The following UNC80 variants were observed in gnomAD, a reference collection of about 807,000 sequenced individuals.
The protein encoded by UNC80 is protein unc-80 homolog.
Under a neutral mutation model 384.6 loss-of-function variants are expected in UNC80, and 164 were observed. The ratio of observed to expected loss-of-function variants is 0.43; its 90% CI spans 0.38 to 0.49. The LOEUF (loss-of-function observed/expected upper bound fraction) is 0.49, where lower values mean the gene tolerates loss of function less well. Ranked by LOEUF, UNC80 falls within the 20% of genes least tolerant of loss-of-function variation. The pLI is 0.00. For missense variants in UNC80, 3,330 were observed against 4,143.0 expected, an observed-to-expected ratio of 0.80 and a Z score of 5.39; for synonymous variants, 1,486 against 1,527.8, an observed-to-expected ratio of 0.97 and a Z score of 0.64.
intron 39 of UNC80, among the ~76,000 whole-genome samples, chr2:209,934,427 A>C (rs13392528): frequency 0.025 from 3,835 of 152,298 alleles, 140 homozygotes; most frequent in African/African-American, 0.086. Context: ...GGAAAGCAGG[A>C]AGAAGGAGCA....
In UNC80 at chr2:209,948,252, A is replaced by G. The variant is rs908472882; in HGVS notation, c.7286+2309A>G. Among the ~76,000 whole-genome samples, 5 of 152,282 alleles carry G rather than the reference A, an allele frequency of 3.3e-5. No individual in the cohort carries two copies. The East Asian group carries it at 9.6e-4, about 29-fold the overall frequency. On this transcript the variant is annotated intron_variant, in intron 47 of 64. Coordinates refer to ENST00000673920, the MANE Select transcript of UNC80 (RefSeq NM_001371986.1). Reference sequence around the variant, plus strand: ...ATTTCTTGCTTTAGTAGATACTACCAAAAAGTTTTCCAAGGTGGTTTCAAT... The same window carrying G: ...ATTTCTTGCTTTAGTAGATACTACCGAAAAGTTTTCCAAGGTGGTTTCAAT...
In UNC80 at chr2:209,933,807, T is replaced by C; in HGVS notation, c.5995-15T>C. 1 of 1,545,614 alleles carries C rather than the reference T, an allele frequency of 6.5e-7. No homozygotes were observed. The highest frequency in any genetic ancestry group is 8.7e-7 in the Non-Finnish European group (1 of 1,143,858). ...TTATTGTAGCTTTGTGAACTCTTCT[T>C]ATACTGACTTCTAGGTAGGATTAAT... is the stretch of plus-strand genomic sequence containing the variant. On this transcript the variant is annotated splice_polypyrimidine_tract_variant and intron_variant, in intron 38 of 64. Coordinates refer to ENST00000673920, the MANE Select transcript of UNC80 (RefSeq NM_001371986.1).
Position 209,945,018 on chromosome 2 carries a change from A to G in UNC80, c.7051-33A>G, listed in dbSNP as rs552888072. The G allele has an allele frequency of 3.0e-4, 459 of 1,548,550 alleles. No individual in the cohort carries two copies. In the African/African-American group the frequency reaches 5.8e-3, roughly 19 times the overall value. On this transcript the variant is annotated intron_variant, in intron 45 of 64. Transcript: ENST00000673920. ...CAAGTTATAGTTTTACTGTGGTGGG[A>G]GTCAATAAACAAAAATTGTTTTTCT... is the stretch of plus-strand genomic sequence containing the variant.
rs1444046937 is a variant in UNC80 at position 209,888,108 on chromosome 2, G to T, written c.4124G>T (p.Cys1375Phe). 6.4e-7 allele frequency: 1 copy of T among 1,551,662 alleles called. No individual in the cohort carries two copies. The highest frequency in any genetic ancestry group is 2.0e-5 in the Admixed American group (1 of 51,004). The change falls in exon 26 of 65, where the codon TGC (cysteine) becomes TTC (phenylalanine). Residue 1375 changes from cysteine (C) to phenylalanine (F), a missense_variant. Coordinates refer to ENST00000673920, the MANE Select transcript of UNC80 (RefSeq NM_001371986.1). ...RTEPLVDLES[C>F]RLRLDPELDR... ...CTGGCATTTTAGGACTTGGAGAGCT[G>T]CAGACTTCGTTTGGATCCCGAGTTG...
intron 22 of UNC80, among the ~76,000 whole-genome samples, chr2:209,854,603 A>T (rs2082755975): frequency 6.6e-6 from 1 of 152,174 alleles, no homozygotes; most frequent in South Asian, 2.1e-4. Context: ...AAACAAATTT[A>T]CAAGAAAAAA....
intron 7 of UNC80, chr2:209,809,577 C>A: frequency 1.2e-6 from 1 of 825,268 alleles, no homozygotes; most frequent in Non-Finnish European, 2.0e-6. Flanking sequence ...GGGGCCCTCG[C>A]TGACCCTAGA....
At chr2:209,895,140 C>T (rs2086686100) in intron 27 of UNC80, among the ~76,000 whole-genome samples, 1 of 152,066 alleles carries the variant, frequency 6.6e-6, no homozygotes, top group East Asian at 1.9e-4. Flanking sequence ...ATATGGCAGT[C>T]CAAAATATGG....
At chr2:209,790,927 AT>A (rs1057121458) in intron 6 of UNC80, among the ~76,000 whole-genome samples, 1 of 152,100 alleles carries the variant, frequency 6.6e-6, no homozygotes, top group Admixed American at 6.5e-5. Flanking sequence ...TTAACAGGGT[AT>A]TTTTTTCTTA....
At chr2:209,970,122 A>G in intron 53 of UNC80, 2 of 503,172 alleles carry the variant, frequency 4.0e-6, no homozygotes, top group South Asian at 3.2e-5. Flanking sequence ...CCCATGCACT[A>G]CTTTGACAAT....
chr2:209,828,880 G>C (rs1260817808), intron 14 of UNC80, among the ~76,000 whole-genome samples: 1 of 152,054 alleles, frequency 6.6e-6, no homozygotes, highest in African/African-American at 2.4e-5. Context: ...TCTAAACATG[G>C]ATTGTCAATT....
At chr2:209,800,387 G>A (rs1326477984) in intron 7 of UNC80, among the ~76,000 whole-genome samples, 3 of 151,732 alleles carry the variant, frequency 2.0e-5, no homozygotes, top group Non-Finnish European at 4.4e-5. Flanking sequence ...TTGCATTTCT[G>A]TGGGGTCATT....
chr2:209,976,070 TCGGAA>T lies in UNC80; in HGVS notation c.8588-48_8588-44del. ...GGGCTCTGGATGTAGGTTGGGTTCC[TCGGAA>T]GCACACGTCCGCAGGCTCATTTTTC... On this transcript the variant is annotated intron_variant, in intron 56 of 64. Transcript: ENST00000673920. This position sits in a 1 kb window ranked among gnomAD's most constrained non-coding sequence, Gnocchi z 4.3. 1 of 1,509,784 alleles carries T rather than the reference TCGGAA, an allele frequency of 6.6e-7. No homozygotes were observed. Among genetic ancestry groups the T allele is most frequent in the South Asian group, 1.3e-5 (1 of 78,770 alleles). 93.5% of individuals were successfully genotyped at this position (1,509,784 alleles called of 1,614,324 possible). A position where few individuals can be genotyped will look rare whatever the true frequency, so the allele number is the denominator to read the frequency against.
intron 28 of UNC80, among the ~76,000 whole-genome samples, chr2:209,901,652 TGTG>T (rs1195073644): frequency 6.6e-6 from 1 of 152,052 alleles, no homozygotes; most frequent in Non-Finnish European, 1.5e-5. Context: ...TGTGGCCAGG[TGTG>T]GTGGTTCACA....
intron 51 of UNC80, among the ~76,000 whole-genome samples, chr2:209,962,344 C>G (rs888379623): frequency 1.3e-5 from 2 of 152,008 alleles, no homozygotes; most frequent in South Asian, 2.1e-4. Flanking sequence ...AGGAGAAGAT[C>G]AGTGAAAAAC....
chr2:209,991,034 T>C (rs2093382069), intron 61 of UNC80, among the ~76,000 whole-genome samples: 1 of 152,244 alleles, frequency 6.6e-6, no homozygotes, highest in African/African-American at 2.4e-5. Context: ...GGGAAACATC[T>C]GATTGCCTGT....
At chr2:209,856,085 A>G (rs1165248264) in intron 22 of UNC80, among the ~76,000 whole-genome samples, 4 of 152,156 alleles carry the variant, frequency 2.6e-5, no homozygotes, top group Non-Finnish European at 1.5e-5. Flanking sequence ...ATAAGTGCCA[A>G]CGATATAATG....
chr2:209,842,361 T>C lies in UNC80; in HGVS notation c.3369T>C (p.Thr1123=), dbSNP rs1406606250. 1 of 1,550,214 alleles carries C rather than the reference T, an allele frequency of 6.5e-7. No homozygotes were observed. Among genetic ancestry groups the C allele is most frequent in the South Asian group, 1.2e-5 (1 of 83,864 alleles). Residue 1123 remains threonine, a synonymous_variant, in exon 21 of 65, where the codon ACT becomes ACC. Transcript: ENST00000673920. ...FIRQSSKVKF[T]SAVKLSEGGP... is the part of the protein sequence containing the mutation. ...TTTTCTTTTTTCAGGTCAAATTCAC[T>C]AGTGCTGTGAAGCTTTCTGAAGGTG...
chr2:209,859,070 AT>A (rs1265857987), intron 22 of UNC80, among the ~76,000 whole-genome samples: 1 of 151,960 alleles, frequency 6.6e-6, no homozygotes, highest in Non-Finnish European at 1.5e-5. Flanking sequence ...TTTTTTTTAA[AT>A]TTTTTTCTAA....
At chr2:209,785,265 T>C (rs1006909596) in intron 4 of UNC80, among the ~76,000 whole-genome samples, 2 of 152,182 alleles carry the variant, frequency 1.3e-5, no homozygotes, top group Admixed American at 1.3e-4. Context: ...CTTTACATTG[T>C]TTTGAGAGAC....
Sources: allele counts gnomAD v4.1 joint callset (sites outside exome capture counted in the v4.1 genomes callset), GRCh38; gene constraint gnomAD v4.1.1; non-coding constraint Gnocchi (gnomAD v3.1); transcripts MANE v1.5; gene names NCBI Gene and HGNC (gene_info 2026-07-23, HGNC 2026-07-21).